The following RTKN2 variants were observed in gnomAD, a reference collection of about 807,000 sequenced individuals.
RTKN2 encodes rhotekin-2.
Under a neutral mutation model 71.5 loss-of-function variants are expected in RTKN2, and 69 were observed. The ratio of observed to expected loss-of-function variants is 0.96; its 90% confidence interval spans 0.79 to 1.18. The LOEUF is 1.18. RTKN2 is among the 50% of genes most tolerant of loss of function. The pLI is 0.00. For synonymous variants in RTKN2, 236 were observed against 236.5 expected, an observed-to-expected ratio of 1.00 and a Z score of 0.02; for missense variants, 724 against 719.7, an observed-to-expected ratio of 1.01 and a Z score of -0.07.
intron 7 of RTKN2, among the ~76,000 whole-genome samples, chr10:62,218,600 G>A (rs533570109): frequency 6.3e-4 from 50 of 79,530 alleles, no homozygotes; most frequent in South Asian, 1.3e-3. Context: ...TTCAATGAAA[G>A]TTGTTCAGAG....
At chr10:62,241,228 T>A (rs548782983) in intron 3 of RTKN2, 33 bp from the exon 4 acceptor site, 1 of 1,393,468 alleles carries the variant, frequency 7.2e-7, no homozygotes, top group Non-Finnish European at 1.0e-6. Context: ...TGACAAGTAA[T>A]AATTTTGGTA....
At chr10:62,248,398 T>C (rs951077754) in intron 2 of RTKN2, among the ~76,000 whole-genome samples, 16 of 152,300 alleles carry the variant, frequency 1.1e-4, no homozygotes, top group Non-Finnish European at 2.1e-4. Flanking sequence ...TTAAACACTA[T>C]CTGTCTAATA....
chr10:62,255,577 T>G (rs1002107688), intron 2 of RTKN2, among the ~76,000 whole-genome samples: 1 of 152,144 alleles, frequency 6.6e-6, no homozygotes, highest in African/African-American at 2.4e-5. Context: ...AATTAGATAA[T>G]CACAGTTTTA....
chr10:62,205,284 G>C (rs1841527617), intron 9 of RTKN2, among the ~76,000 whole-genome samples: 1 of 152,076 alleles, frequency 6.6e-6, no homozygotes, highest in Admixed American at 6.6e-5. Flanking sequence ...AATTACATGA[G>C]ATTAAAACAT....
intron 5 of RTKN2, chr10:62,238,297 C>G (rs1357168306): frequency 6.6e-6 from 1 of 151,926 alleles, no homozygotes; most frequent in Non-Finnish European, 1.5e-5. Context: ...ACAAAAAGCA[C>G]ATTTTTCAAC....
intron 8 of RTKN2, among the ~76,000 whole-genome samples, chr10:62,186,403 G>A (rs1359224357): frequency 2.0e-5 from 3 of 152,312 alleles, no homozygotes; most frequent in African/African-American, 4.8e-5. Context: ...ACCTTATCTC[G>A]TTTTGAAGAT....
downstream of RTKN2, among the ~76,000 whole-genome samples, chr10:62,188,989 C>T (rs1841178727): frequency 6.6e-6 from 1 of 151,728 alleles, no homozygotes; most frequent in East Asian, 1.9e-4. Context: ...ACCTTGTGAT[C>T]CGCCCACGTC....
At chr10:62,229,806 A>T (rs763465014) in intron 6 of RTKN2, among the ~76,000 whole-genome samples, 17 of 152,234 alleles carry the variant, frequency 1.1e-4, no homozygotes, top group Non-Finnish European at 1.8e-4. Flanking sequence ...AATGATTGTG[A>T]CTAAGACATC....
At chr10:62,220,315 C>T (rs558557075) in intron 7 of RTKN2, among the ~76,000 whole-genome samples, 4 of 152,166 alleles carry the variant, frequency 2.6e-5, no homozygotes, top group South Asian at 2.1e-4. Context: ...AATAAATGCA[C>T]GAGCATAATA....
At chr10:62,219,838 T>C (rs1589351549) in intron 7 of RTKN2, among the ~76,000 whole-genome samples, 1 of 152,122 alleles carries the variant, frequency 6.6e-6, no homozygotes, top group East Asian at 1.9e-4. Context: ...AAGTTTGACA[T>C]TGTTTAAAAA....
intron 2 of RTKN2, among the ~76,000 whole-genome samples, chr10:62,251,381 G>T (rs1842578827): frequency 6.6e-6 from 1 of 152,106 alleles, no homozygotes; most frequent in South Asian, 2.1e-4. Flanking sequence ...AAAACATAGT[G>T]TGCATAGGGC....
At chr10:62,215,620 A>C (rs552054837) in intron 9 of RTKN2, among the ~76,000 whole-genome samples, 1 of 152,080 alleles carries the variant, frequency 6.6e-6, no homozygotes, top group African/African-American at 2.4e-5. Context: ...ATGCTAACAT[A>C]TTCAGAGAAG....
Position 62,236,532 on chromosome 10 carries a change from G to A in RTKN2, c.489-269C>T, listed in dbSNP as rs578241927. Reference sequence around the variant, plus strand: ...GGAAAGCAGTATAGAGGTTCCTAAAGAAATTAAAAGGGAAACTACTACATG... The same window carrying A: ...GGAAAGCAGTATAGAGGTTCCTAAAAAAATTAAAAGGGAAACTACTACATG... On this transcript the variant is annotated intron_variant, in intron 5 of 11. Coordinates refer to ENST00000373789, the MANE Select transcript of RTKN2 (RefSeq NM_145307.4). 1.6e-4 allele frequency among the ~76,000 whole-genome samples: 24 copies of A among 152,114 alleles called. No homozygotes were observed. The South Asian group carries it at 5.0e-3, about 32-fold the overall frequency.
intron 2 of RTKN2, among the ~76,000 whole-genome samples, chr10:62,258,743 G>T (rs1333279890): frequency 6.6e-6 from 1 of 151,980 alleles, no homozygotes; most frequent in Non-Finnish European, 1.5e-5. Context: ...ATATACATGT[G>T]TATATGTAAC....
chr10:62,262,953 A>C (rs1842802164), intron 1 of RTKN2, 132 bp from the exon 2 acceptor site: 4 of 535,454 alleles, frequency 7.5e-6, no homozygotes, highest in Non-Finnish European at 1.3e-5. Flanking sequence ...TATGTAGTGT[A>C]AAAATAGCTA....
At chr10:62,231,997 A>G (rs897059863) in intron 6 of RTKN2, among the ~76,000 whole-genome samples, 3 of 152,214 alleles carry the variant, frequency 2.0e-5, no homozygotes, top group Non-Finnish European at 4.4e-5. Context: ...GGTTCACACT[A>G]CAGTGTCAAC....
At chr10:62,215,070 T>C in intron 9 of RTKN2, 1 of 1,520,632 alleles carries the variant, frequency 6.6e-7, no homozygotes, top group Non-Finnish European at 8.9e-7. Context: ...CCTTCGAGAC[T>C]GTCTTCAAAT....
intron 2 of RTKN2, among the ~76,000 whole-genome samples, chr10:62,254,619 CTTATT>C (rs1842640920): frequency 6.6e-6 from 1 of 152,022 alleles, no homozygotes; most frequent in South Asian, 2.1e-4. Context: ...CTGCAAAGAA[CTTATT>C]TTAAATTGTG....
At chr10:62,234,409 A>G (rs1339215211) in intron 6 of RTKN2, among the ~76,000 whole-genome samples, 3 of 151,504 alleles carry the variant, frequency 2.0e-5, no homozygotes, top group Non-Finnish European at 4.4e-5. Flanking sequence ...ATGTGCCAGT[A>G]GTCCTAGCTA....
Sources: gnomAD v4.1 joint callset for allele counts (sites outside exome capture counted in the v4.1 genomes callset) on GRCh38, gnomAD v4.1.1 for gene constraint, MANE v1.5 for transcripts, NCBI Gene and HGNC (gene_info 2026-07-23, HGNC 2026-07-21) for gene names.